The following CACNA1E variants were observed in gnomAD, a reference collection of about 807,000 sequenced individuals.
The protein encoded by CACNA1E is calcium voltage-gated channel subunit alpha1 E, also known as voltage-dependent R-type calcium channel subunit alpha-1E.
CACNA1E carries 40 observed loss-of-function variants against 259.2 expected under a neutral mutation model. The ratio of observed to expected loss-of-function variants is 0.15; its 90% CI spans 0.12 to 0.20. The LOEUF (loss-of-function observed/expected upper bound fraction) is 0.20. CACNA1E is among the 10% of genes least tolerant of loss of function. CACNA1E has a pLI of 1.00. For synonymous variants in CACNA1E, 1,104 were observed against 1,138.5 expected (o/e 0.97, Z 0.61); for missense variants, 1,874 against 3,040.1 (o/e 0.62, Z 9.02).
intron 6 of CACNA1E, among the ~76,000 whole-genome samples, chr1:181,584,336 G>A (rs528190652): frequency 9.2e-5 from 14 of 152,300 alleles, no homozygotes; most frequent in African/African-American, 3.4e-4. Context: ...CAGCTTTGCA[G>A]GTATGCTTTC....
chr1:181,438,170 G>A (rs1660216279), intron 2 of CACNA1E, among the ~76,000 whole-genome samples: 1 of 152,164 alleles, frequency 6.6e-6, no homozygotes, highest in Non-Finnish European at 1.5e-5. Flanking sequence ...GCCCAGTTCA[G>A]CCCTCCTTGT....
At chr1:181,511,840 G>T (rs897263001) in intron 3 of CACNA1E, among the ~76,000 whole-genome samples, 12 of 152,206 alleles carry the variant, frequency 7.9e-5, no homozygotes, top group Non-Finnish European at 1.5e-5. Flanking sequence ...ATTTCCCAAT[G>T]AGCCTTTTCA....
intron 3 of CACNA1E, among the ~76,000 whole-genome samples, chr1:181,563,829 TG>T (rs1393376705): frequency 6.6e-6 from 1 of 152,196 alleles, no homozygotes. Context: ...ACCACTGCAG[TG>T]AAACAAATAT....
rs1270726216 is a variant in CACNA1E at position 181,807,163 on chromosome 1, C to A, written c.*8329C>A. The A allele has an allele frequency of 6.6e-6, 1 of 151,526 alleles. No homozygotes were observed. Among genetic ancestry groups the A allele is most frequent in the Non-Finnish European group, 1.5e-5 (1 of 67,894 alleles). 9.4% of individuals were successfully genotyped at this position (151,526 alleles called of 1,614,324 possible). ...AAAAAAGGAATAAAAATGTTCTCTG[C>A]CTTGGATAACATTTTTTTTTAAAGA... On this transcript the variant is annotated 3_prime_UTR_variant, in exon 48 of 48. Transcript: ENST00000367573.
chr1:181,661,159 C>T (rs1440236418), intron 7 of CACNA1E, among the ~76,000 whole-genome samples: 2 of 152,172 alleles, frequency 1.3e-5, no homozygotes, highest in Non-Finnish European at 2.9e-5. Context: ...AGAAGGGCTT[C>T]TTGGGCTAAG....
In CACNA1E at chr1:181,462,213, C is replaced by T. The variant is rs191398332; in HGVS notation, c.435-21531C>T. The stretch of plus-strand genomic sequence containing the variant: ...AATATTCAAATGAACAATCCAATGA[C>T]CAGTTTTATAAATGCATCTTCATGT... On this transcript the variant is annotated intron_variant, in intron 2 of 11. Coordinates refer to the CACNA1E transcript ENST00000524607. 7.2e-5 allele frequency among the ~76,000 whole-genome samples: 11 copies of T among 152,250 alleles called. No homozygotes were observed. In the East Asian group the frequency reaches 1.9e-3, roughly 27 times the overall value.
At chr1:181,334,619 C>T (rs1571590451) in intron 1 of CACNA1E, among the ~76,000 whole-genome samples, 1 of 152,352 alleles carries the variant, frequency 6.6e-6, no homozygotes, top group African/African-American at 2.4e-5. Flanking sequence ...TCACTCCCCA[C>T]ATCCAATCTG....
At chr1:181,515,112 A>G (rs1666472328) in intron 3 of CACNA1E, among the ~76,000 whole-genome samples, 2 of 151,938 alleles carry the variant, frequency 1.3e-5, no homozygotes, top group South Asian at 4.1e-4. Flanking sequence ...CAAGGGCCCC[A>G]TGGTTCTAAG....
In CACNA1E at chr1:181,394,584, G is replaced by A. The variant is rs75555251; in HGVS notation, c.-14-18549G>A. ...CATAAACAAATACAGCTTCTAATGC[G>A]TTGAAAGATGATAAGTGCTATGGGG... On this transcript the variant is annotated intron_variant, in intron 1 of 11. Transcript: ENST00000524607. Among the ~76,000 whole-genome samples, 759 of 152,220 alleles carry A rather than the reference G, an allele frequency of 5.0e-3. 5 individuals are homozygous for A. The highest frequency in any genetic ancestry group is 0.02 in the Middle Eastern group (6 of 294).
intron 7 of CACNA1E, chr1:181,669,164 C>T (rs552782837): frequency 6.6e-6 from 1 of 152,264 alleles, no homozygotes; most frequent in Non-Finnish European, 1.5e-5. Flanking sequence ...GAGTTAATAA[C>T]TTTTAATTTT....
chr1:181,363,186 G>C (rs1384283645), intron 1 of CACNA1E, among the ~76,000 whole-genome samples: 2 of 152,166 alleles, frequency 1.3e-5, no homozygotes, highest in Non-Finnish European at 2.9e-5. Context: ...TCTCATCCCT[G>C]CTCTCAAGGG....
intron 26 of CACNA1E, chr1:181,751,875 A>G: frequency 3.2e-5 from 19 of 596,082 alleles, no homozygotes; most frequent in South Asian, 2.9e-4. Context: ...GTGTGCCTGT[A>G]TGTTCCTCTG....
chr1:181,773,349 A>T (rs1439010978), intron 37 of CACNA1E, among the ~76,000 whole-genome samples: 1 of 152,230 alleles, frequency 6.6e-6, no homozygotes, highest in Admixed American at 6.5e-5. Flanking sequence ...GGGCCAAGAC[A>T]CTTTCCCTTT....
chr1:181,510,602 C>T lies in CACNA1E; in HGVS notation c.372+20C>T. 2 of 1,459,174 alleles carry T rather than the reference C, an allele frequency of 1.4e-6. No homozygotes were observed. The highest frequency in any genetic ancestry group is 1.4e-5 in the African/African-American group (1 of 72,006). 90.4% of individuals were successfully genotyped at this position (1,459,174 alleles called of 1,614,324 possible). ...AGACTGGTATGTGATTCCCCTCCTT[C>T]TCCCCTTTGCCCCTTTTGTCTTTCT... On this transcript the variant is annotated intron_variant, in intron 2 of 47. Coordinates refer to ENST00000367573, the MANE Select transcript of CACNA1E (RefSeq NM_001205293.3).
intron 3 of CACNA1E, among the ~76,000 whole-genome samples, chr1:181,560,796 C>A (rs1399231540): frequency 2.6e-5 from 4 of 152,204 alleles, no homozygotes; most frequent in Non-Finnish European, 4.4e-5. Context: ...ATGTTCACAG[C>A]AGCATTATTC....
intron 7 of CACNA1E, among the ~76,000 whole-genome samples, chr1:181,698,919 G>T (rs1378259844): frequency 6.6e-6 from 1 of 152,112 alleles, no homozygotes; most frequent in African/African-American, 2.4e-5. Flanking sequence ...GACTACAGAG[G>T]GACAAAGTCT....
chr1:181,733,747 C>A lies in CACNA1E; in HGVS notation c.3259C>A (p.His1087Asn). The A allele has an allele frequency of 6.5e-7, 1 of 1,541,564 alleles. No homozygotes were observed. Among genetic ancestry groups the A allele is most frequent in the Non-Finnish European group, 8.8e-7 (1 of 1,142,120 alleles). The change falls in exon 21 of 48, where the codon CAC (histidine) becomes AAC (asparagine). Residue 1087 changes from histidine (H) to asparagine (N), a missense_variant. Coordinates refer to ENST00000367573, the MANE Select transcript of CACNA1E (RefSeq NM_001205293.3). ...VDPLVDSTVV[H>N]ISNKTDGEAS... ...CCCCTTGGTGGACTCAACCGTGGTG[C>A]ACAGTGAGAGCACAGTCCCTGTTCC... is the stretch of plus-strand genomic sequence containing the variant.
intron 27 of CACNA1E, 48 bp downstream of exon 27, chr1:181,752,287 C>T (rs1159457199): frequency 1.5e-6 from 2 of 1,351,896 alleles, no homozygotes; most frequent in South Asian, 1.2e-5. Flanking sequence ...CTCCCATCTT[C>T]TCTCTTTAGC....
At chr1:181,345,210 A>T (rs1219172093) in intron 1 of CACNA1E, among the ~76,000 whole-genome samples, 1 of 152,256 alleles carries the variant, frequency 6.6e-6, no homozygotes, top group Non-Finnish European at 1.5e-5. Flanking sequence ...GCAGCTTTGC[A>T]GGGTGAGCCG....
Sources: allele counts gnomAD v4.1 joint callset (sites outside exome capture counted in the v4.1 genomes callset), GRCh38; gene constraint gnomAD v4.1.1; transcripts MANE v1.5; gene names NCBI Gene and HGNC (gene_info 2026-07-23, HGNC 2026-07-21).